Variants in SHOC1 observed in about 807,000 individuals in gnomAD.
SHOC1 encodes shortage in chiasmata 1, also known as protein shortage in chiasmata 1 ortholog.
In SHOC1, 136 loss-of-function variants were observed where a neutral mutation model predicts 179.2. The ratio of observed to expected loss-of-function variants is 0.76; its 90% CI spans 0.66 to 0.87. The LOEUF (loss-of-function observed/expected upper bound fraction) is 0.87, where lower values mean the gene tolerates loss of function less well. Ranked by LOEUF, SHOC1 falls within the 40% of genes least tolerant of loss-of-function variation. The pLI, the probability that SHOC1 is intolerant of heterozygous loss-of-function variation, is 0.00. For missense variants in SHOC1, 1,538 were observed against 1,700.8 expected (o/e 0.90, Z 1.68); for synonymous variants, 489 against 586.6 (o/e 0.83, Z 2.41).
chr9:111,696,426 A>C lies in SHOC1; in HGVS notation c.3184-2064T>G, dbSNP rs77531563. 5.7e-3 allele frequency among the ~76,000 whole-genome samples: 864 copies of C among 152,332 alleles called. 8 individuals are homozygous for C. Among genetic ancestry groups the C allele is most frequent in the African/African-American group, 0.02 (827 of 41,576 alleles). On this transcript the variant is annotated intron_variant, in intron 24 of 27. Coordinates refer to ENST00000682961, the MANE Select transcript of SHOC1 (RefSeq NM_001378211.1). ...CCTCCTTTAATACAACAATGTCATC[A>C]AGTCAGGAAAACAGGAGGCTTATGA...
chr9:111,747,855 G>T (rs1452585638), intron 9 of SHOC1, among the ~76,000 whole-genome samples: 1 of 152,104 alleles, frequency 6.6e-6, no homozygotes, highest in African/African-American at 2.4e-5. Context: ...AAAGTGCTGG[G>T]ATTACAGGCG....
At chr9:111,770,596 TTCTG>T (rs1384784861) in intron 5 of SHOC1, among the ~76,000 whole-genome samples, 1 of 152,164 alleles carries the variant, frequency 6.6e-6, no homozygotes. Context: ...TTTGTTGATT[TTCTG>T]TCTGGATGAT....
Position 111,686,772 on chromosome 9 carries a change from A to C in SHOC1, c.4525T>G (p.Ter1509GlyextTer15). 6.3e-7 allele frequency: 1 copy of C among 1,597,086 alleles called. No homozygotes were observed. The highest frequency in any genetic ancestry group is 8.6e-7 in the Non-Finnish European group (1 of 1,166,340). ...TGTAACATTGCTCTTCTCCTCCTTC[A>C]AAAAAACCTCAGCCGAGTCTGCCCA... is the stretch of plus-strand genomic sequence containing the variant. ...VDGQTRLRFF[*>G] Residue 1509 changes from the stop codon to glycine, a stop_lost, in exon 28 of 28, where the codon TGA becomes GGA. Transcript: ENST00000682961.
intron 16 of SHOC1, among the ~76,000 whole-genome samples, chr9:111,717,570 G>A (rs184656701): frequency 6.6e-6 from 1 of 150,594 alleles, no homozygotes; most frequent in East Asian, 1.9e-4. Context: ...ACACCTACCT[G>A]GGCAACAAAG....
chr9:111,709,311 C>CAGTA (rs1832425937), intron 18 of SHOC1, among the ~76,000 whole-genome samples: 3 of 152,180 alleles, frequency 2.0e-5, no homozygotes, highest in Non-Finnish European at 4.4e-5. Flanking sequence ...CATTGCACTC[C>CAGTA]AGCCTGGGCA....
At chr9:111,720,601 T>G (rs1832990590) in intron 15 of SHOC1, among the ~76,000 whole-genome samples, 1 of 152,230 alleles carries the variant, frequency 6.6e-6, no homozygotes, top group African/African-American at 2.4e-5. Context: ...TAGGCTACTT[T>G]AAGTTGTTCC....
At chr9:111,725,240 G>A (rs1316864984) in intron 13 of SHOC1, among the ~76,000 whole-genome samples, 2 of 152,172 alleles carry the variant, frequency 1.3e-5, no homozygotes, top group East Asian at 3.9e-4. Flanking sequence ...TAAAATTTTT[G>A]AGGGGGTCTA....
Position 111,694,337 on chromosome 9 carries a change from G to C in SHOC1, c.3209C>G (p.Ala1070Gly). ...VKLIIAPGVE[A>G]TALIIRQIAD... ...AATTTGTCGAATTATCAAGGCAGTT[G>C]CTTCTACTCCTGGGGCAATTATAAG... is the stretch of plus-strand genomic sequence containing the variant. The change falls in exon 25 of 28, where the codon GCA becomes GGA. Residue 1070 changes from alanine to glycine, a missense_variant. Transcript: ENST00000682961. 6.2e-7 allele frequency: 1 copy of C among 1,609,718 alleles called. No individual in the cohort carries two copies. Among genetic ancestry groups the C allele is most frequent in the East Asian group, 2.2e-5 (1 of 44,720 alleles).
chr9:111,753,788 T>G (rs1172864504), intron 8 of SHOC1, among the ~76,000 whole-genome samples: 1 of 152,076 alleles, frequency 6.6e-6, no homozygotes, highest in Non-Finnish European at 1.5e-5. Flanking sequence ...TCTCAAAAAA[T>G]TAGGTATTGA....
chr9:111,794,374 A>T (rs1314195984), intron 1 of SHOC1, among the ~76,000 whole-genome samples: 1 of 151,724 alleles, frequency 6.6e-6, no homozygotes, highest in Non-Finnish European at 1.5e-5. Context: ...ACTTGAGGTC[A>T]GGAGTTCGAG....
chr9:111,718,094 T>TTA (rs1436253612), intron 16 of SHOC1, 90 bp downstream of exon 16: 23 of 845,404 alleles, frequency 2.7e-5, no homozygotes, highest in Non-Finnish European at 4.1e-5. Context: ...ACATCATTTC[T>TTA]TATAAGGTGT....
chr9:111,739,870 C>T (rs1833957837), intron 11 of SHOC1, among the ~76,000 whole-genome samples: 1 of 150,626 alleles, frequency 6.6e-6, no homozygotes, highest in Non-Finnish European at 1.5e-5. Flanking sequence ...TGTGGAAGGT[C>T]TTTGAAGCAC....
At chr9:111,722,363 T>C in intron 15 of SHOC1, 46 bp downstream of exon 15, 1 of 1,512,048 alleles carries the variant, frequency 6.6e-7, no homozygotes, top group Non-Finnish European at 8.9e-7. Flanking sequence ...ATACAATAAT[T>C]TCTAAGCATA....
At chr9:111,757,131 G>A (rs539888913) in intron 7 of SHOC1, among the ~76,000 whole-genome samples, 1 of 152,142 alleles carries the variant, frequency 6.6e-6, no homozygotes, top group South Asian at 2.1e-4. Flanking sequence ...TTTTTGAGAT[G>A]GAGTCTCGCT....
intron 24 of SHOC1, among the ~76,000 whole-genome samples, chr9:111,699,617 C>T (rs1831869646): frequency 6.6e-6 from 1 of 152,088 alleles, no homozygotes; most frequent in Non-Finnish European, 1.5e-5. Context: ...TAGTATATGT[C>T]TTAAGAGTTC....
chr9:111,705,169 A>ACACACACACG, intron 21 of SHOC1, 78 bp downstream of exon 21: 1 of 464,516 alleles, frequency 2.2e-6, no homozygotes, highest in Non-Finnish European at 3.7e-6. Context: ...CAGAATATAT[A>ACACACACACG]TACACACACA....
intron 18 of SHOC1, among the ~76,000 whole-genome samples, chr9:111,712,125 T>A (rs1244018195): frequency 1.3e-5 from 2 of 152,232 alleles, no homozygotes; most frequent in African/African-American, 2.4e-5. Flanking sequence ...TTCTGCATTA[T>A]CACAAGTTCA....
chr9:111,783,295 A>C (rs1836144276), intron 3 of SHOC1: 2 of 152,184 alleles, frequency 1.3e-5, no homozygotes, highest in Admixed American at 1.3e-4. Flanking sequence ...ATCATATTCC[A>C]ATATATTCCT....
chr9:111,777,779 ACTG>A (rs1444287503), intron 4 of SHOC1, among the ~76,000 whole-genome samples: 13 of 152,204 alleles, frequency 8.5e-5, no homozygotes, highest in African/African-American at 3.1e-4. Flanking sequence ...CCTTGTACAG[ACTG>A]AAAGAAACAA....
Sources: allele counts gnomAD v4.1 joint callset (sites outside exome capture counted in the v4.1 genomes callset), GRCh38; gene constraint gnomAD v4.1.1; transcripts MANE v1.5; gene names NCBI Gene and HGNC (gene_info 2026-07-23, HGNC 2026-07-21).